Variants in ERBB4 observed in about 807,000 individuals in gnomAD.
ERBB4 encodes the protein erb-b2 receptor tyrosine kinase 4.
A neutral mutation model predicts 158.0 loss-of-function variants in ERBB4; 42 were observed. That is an observed-to-expected ratio of 0.27 (90% CI 0.21 to 0.34). The LOEUF is 0.34. ERBB4 is among the 10% of genes least tolerant of loss of function. The probability of loss-of-function intolerance (pLI) is 1.00; values close to 1 mark genes in which losing one functional copy is unlikely to be tolerated. For missense variants in ERBB4, 1,333 were observed against 1,624.1 expected, an observed-to-expected ratio of 0.82 and a Z score of 3.08; for synonymous variants, 583 against 558.7, an observed-to-expected ratio of 1.04 and a Z score of -0.61.
intron 25 of ERBB4, among the ~76,000 whole-genome samples, chr2:211,419,683 G>GCAGAAGTTGT (rs1459232269): frequency 6.6e-6 from 1 of 152,050 alleles, no homozygotes; most frequent in African/African-American, 2.4e-5. Context: ...CTTCTTGAAA[G>GCAGAAGTTGT]CAGAAGTTGT....
intron 1 of ERBB4, among the ~76,000 whole-genome samples, chr2:212,392,149 C>T (rs1213838605): frequency 6.6e-6 from 1 of 151,736 alleles, no homozygotes; most frequent in Non-Finnish European, 1.5e-5. Flanking sequence ...AAAGGAAAGG[C>T]ATCTCTGTTT....
intron 3 of ERBB4, among the ~76,000 whole-genome samples, chr2:211,790,836 C>T (rs763999945): frequency 1.3e-5 from 2 of 151,862 alleles, no homozygotes; most frequent in Non-Finnish European, 2.9e-5. Context: ...CCCTATTCTG[C>T]TGTTGAATGT....
intron 2 of ERBB4, among the ~76,000 whole-genome samples, chr2:212,019,079 T>C (rs1453251432): frequency 2.0e-5 from 3 of 152,006 alleles, no homozygotes; most frequent in African/African-American, 4.8e-5. Flanking sequence ...ATGTAGTTCA[T>C]AGAGGTCATC....
chr2:211,753,499 C>G (rs958110651), intron 4 of ERBB4, among the ~76,000 whole-genome samples: 5 of 151,978 alleles, frequency 3.3e-5, no homozygotes, highest in Non-Finnish European at 5.9e-5. Context: ...AATGTTCACC[C>G]TCTATGAGTT....
intron 1 of ERBB4, among the ~76,000 whole-genome samples, chr2:212,341,907 T>C (rs530366993): frequency 6.6e-5 from 10 of 152,242 alleles, no homozygotes; most frequent in Non-Finnish European, 1.3e-4. Flanking sequence ...TGTTATTAAA[T>C]AATCAAGATT....
intron 2 of ERBB4, among the ~76,000 whole-genome samples, chr2:211,967,912 G>A (rs72935747): frequency 1.3e-5 from 2 of 151,604 alleles, no homozygotes; most frequent in East Asian, 3.9e-4. Flanking sequence ...TTTAGAATAC[G>A]ATTATGTCTT....
chr2:212,182,939 A>C (rs1237526773), intron 1 of ERBB4, among the ~76,000 whole-genome samples: 3 of 151,724 alleles, frequency 2.0e-5, no homozygotes, highest in Non-Finnish European at 4.4e-5. Flanking sequence ...AACAAGAGGA[A>C]AAATTTTGTT....
At chr2:211,728,785 T>A (rs2074349653) in intron 5 of ERBB4, among the ~76,000 whole-genome samples, 1 of 151,856 alleles carries the variant, frequency 6.6e-6, no homozygotes, top group Non-Finnish European at 1.5e-5. Flanking sequence ...TAAGTGTTAC[T>A]TTTTATTTTT....
chr2:212,005,602 C>T (rs2076241395), intron 2 of ERBB4, among the ~76,000 whole-genome samples: 1 of 152,086 alleles, frequency 6.6e-6, no homozygotes, highest in African/African-American at 2.4e-5. Context: ...ACAGTGCAAG[C>T]AGCAAATACA....
chr2:212,163,310 T>G (rs2125652925), intron 1 of ERBB4, among the ~76,000 whole-genome samples: 1 of 152,122 alleles, frequency 6.6e-6, no homozygotes, highest in Middle Eastern at 3.4e-3. Context: ...TTTCACAGGA[T>G]ATGACAATTG....
intron 19 of ERBB4, among the ~76,000 whole-genome samples, chr2:211,588,226 T>C (rs1334132796): frequency 6.6e-6 from 1 of 152,204 alleles, no homozygotes; most frequent in Non-Finnish European, 1.5e-5. Context: ...AATAAAATGG[T>C]TCATTCTGGA....
chr2:212,510,946 G>C (rs1691483820), intron 1 of ERBB4, among the ~76,000 whole-genome samples: 1 of 151,974 alleles, frequency 6.6e-6, no homozygotes, highest in Non-Finnish European at 1.5e-5. Context: ...TTGATTTATA[G>C]CCAGTAAAAT....
intron 1 of ERBB4, among the ~76,000 whole-genome samples, chr2:212,420,906 G>A (rs1234442449): frequency 6.6e-6 from 1 of 152,148 alleles, no homozygotes; most frequent in Non-Finnish European, 1.5e-5. Flanking sequence ...ATGGCTAGAT[G>A]AAAGCAATAA....
intron 1 of ERBB4, among the ~76,000 whole-genome samples, chr2:212,368,324 G>T (rs934965074): frequency 7.2e-5 from 11 of 152,148 alleles, no homozygotes; most frequent in African/African-American, 2.7e-4. Context: ...AGTAACTCAG[G>T]AATGGAAAAT....
chr2:211,473,135 G>A (rs1036290061), intron 20 of ERBB4, among the ~76,000 whole-genome samples: 1 of 151,722 alleles, frequency 6.6e-6, no homozygotes. Context: ...AAATACACAA[G>A]TATTCTCATT....
At chr2:212,156,879 C>T (rs1278352008) in intron 1 of ERBB4, among the ~76,000 whole-genome samples, 4 of 151,992 alleles carry the variant, frequency 2.6e-5, no homozygotes, top group African/African-American at 7.2e-5. Context: ...ATTCACTTCC[C>T]GTAGGCCCAC....
chr2:212,483,446 A>C (rs1204194265), intron 1 of ERBB4, among the ~76,000 whole-genome samples: 1 of 152,200 alleles, frequency 6.6e-6, no homozygotes. Flanking sequence ...TTTGACATTA[A>C]GTTTTTAAAA....
intron 2 of ERBB4, among the ~76,000 whole-genome samples, chr2:211,958,154 C>A (rs1040381490): frequency 2.6e-5 from 4 of 152,090 alleles, no homozygotes; most frequent in African/African-American, 4.8e-5. Flanking sequence ...ATAAAAAACA[C>A]AAAGCACAGC....
At chr2:211,865,320 A>G (rs1022624575) in intron 3 of ERBB4, among the ~76,000 whole-genome samples, 3 of 151,998 alleles carry the variant, frequency 2.0e-5, no homozygotes, top group African/African-American at 7.2e-5. Context: ...AACGCATACC[A>G]TATTTGGTTC....
Sources: gnomAD v4.1 joint callset for allele counts (sites outside exome capture counted in the v4.1 genomes callset) on GRCh38, gnomAD v4.1.1 for gene constraint, MANE v1.5 for transcripts, NCBI Gene and HGNC (gene_info 2026-07-23, HGNC 2026-07-21) for gene names.